The following THSD7B variants were observed in gnomAD, a reference collection of about 807,000 sequenced individuals.
The protein encoded by THSD7B is thrombospondin type-1 domain-containing protein 7B.
Under a neutral mutation model 213.6 loss-of-function variants are expected in THSD7B, and 138 were observed. The ratio of observed to expected loss-of-function variants is 0.65; its 90% CI spans 0.56 to 0.74. THSD7B has a LOEUF of 0.74. Among genes scored for constraint, THSD7B ranks in the 30% least tolerant of loss-of-function variants. The pLI is 0.00. For missense variants in THSD7B, 1,931 were observed against 1,991.5 expected (o/e 0.97, Z 0.58); for synonymous variants, 742 against 687.0 (o/e 1.08, Z -1.25).
At chr2:136,880,273 C>T (rs1683596616) in intron 1 of THSD7B, among the ~76,000 whole-genome samples, 1 of 152,266 alleles carries the variant, frequency 6.6e-6, no homozygotes, top group Non-Finnish European at 1.5e-5. Context: ...TATTTCTTTT[C>T]CTTGGCCACT....
chr2:137,086,401 T>A (rs895208099), intron 3 of THSD7B, among the ~76,000 whole-genome samples: 5 of 152,018 alleles, frequency 3.3e-5, no homozygotes, highest in African/African-American at 1.2e-4. Flanking sequence ...GGCAAAACCA[T>A]TTTCTATCTG....
chr2:137,073,460 T>A (rs1376690992), intron 3 of THSD7B, among the ~76,000 whole-genome samples: 1 of 152,078 alleles, frequency 6.6e-6, no homozygotes, highest in African/African-American at 2.4e-5. Flanking sequence ...ATCCATTGCA[T>A]CTATTTGATT....
At chr2:136,955,465 T>C (rs1263495890) in intron 2 of THSD7B, among the ~76,000 whole-genome samples, 1 of 152,178 alleles carries the variant, frequency 6.6e-6, no homozygotes, top group African/African-American at 2.4e-5. Flanking sequence ...CTTCTCATGC[T>C]CTTTAAAAAA....
intron 2 of THSD7B, among the ~76,000 whole-genome samples, chr2:136,897,059 C>T (rs575852): frequency 0.4 from 60,271 of 151,722 alleles, 14,213 homozygotes; most frequent in Non-Finnish European, 0.54. Context: ...AATCCTTCTA[C>T]CTCAGCCTCC....
At chr2:137,093,247 C>T (rs79922866) in intron 3 of THSD7B, among the ~76,000 whole-genome samples, 1 of 140,526 alleles carries the variant, frequency 7.1e-6, no homozygotes, top group African/African-American at 2.9e-5. Context: ...TTCGAAGAAC[C>T]CTTGTACCTT....
chr2:137,485,506 C>A (rs1371940874), intron 15 of THSD7B, among the ~76,000 whole-genome samples: 5 of 152,122 alleles, frequency 3.3e-5, no homozygotes, highest in Non-Finnish European at 5.9e-5. Flanking sequence ...GCGATGCGGG[C>A]CAAATCTACG....
In THSD7B at chr2:137,588,955, T is replaced by A. The variant is rs751583713; in HGVS notation, c.3423+16399T>A. Among the ~76,000 whole-genome samples the A allele has an allele frequency of 2.0e-5, 3 of 151,998 alleles. No individual in the cohort carries two copies. In the East Asian group the frequency reaches 5.8e-4, roughly 29 times the overall value. On this transcript the variant is annotated intron_variant, in intron 17 of 27. Coordinates refer to ENST00000409968, the MANE Select transcript of THSD7B (RefSeq NM_001316349.2). ...CCACCATGCCCAGGTAATTTTTGTA[T>A]TTTTAGTAGAGATGGGGTTTTGCCA...
intron 2 of THSD7B, among the ~76,000 whole-genome samples, chr2:136,932,002 A>G (rs1684640363): frequency 6.6e-6 from 1 of 152,194 alleles, no homozygotes; most frequent in African/African-American, 2.4e-5. Context: ...AAAAAATTAT[A>G]TTTAACATAG....
intron 2 of THSD7B, among the ~76,000 whole-genome samples, chr2:137,026,783 A>G (rs1031061878): frequency 1.3e-5 from 2 of 152,148 alleles, no homozygotes; most frequent in African/African-American, 4.8e-5. Context: ...TAATTTTCTG[A>G]TAAGGATTTG....
intron 25 of THSD7B, 103 bp from the exon 26 acceptor site, chr2:137,663,280 C>A: frequency 2.1e-6 from 2 of 972,516 alleles, no homozygotes; most frequent in Non-Finnish European, 2.8e-6. Flanking sequence ...CCCTACATTG[C>A]CATGATGTAT....
At chr2:137,003,505 C>T (rs1686041348) in intron 2 of THSD7B, among the ~76,000 whole-genome samples, 2 of 152,188 alleles carry the variant, frequency 1.3e-5, no homozygotes, top group Non-Finnish European at 2.9e-5. Flanking sequence ...AGCGGGAATA[C>T]ATGGCATGGC....
chr2:136,843,674 A>G (rs1481864468), intron 1 of THSD7B, among the ~76,000 whole-genome samples: 1 of 152,164 alleles, frequency 6.6e-6, no homozygotes, highest in African/African-American at 2.4e-5. Flanking sequence ...ACTGATATCT[A>G]CAGCTGATCC....
At chr2:137,039,785 C>T (rs536298885) in intron 2 of THSD7B, among the ~76,000 whole-genome samples, 2 of 152,326 alleles carry the variant, frequency 1.3e-5, no homozygotes, top group East Asian at 3.9e-4. Context: ...TACAAACTTG[C>T]TTCCCCCCGT....
At chr2:137,519,251 A>AAAATAAATCAATAAATAAAT (rs1680133596) in intron 15 of THSD7B, among the ~76,000 whole-genome samples, 1 of 149,134 alleles carries the variant, frequency 6.7e-6, no homozygotes, top group African/African-American at 2.5e-5. Flanking sequence ...ACTCCATCTC[A>AAAATAAATCAATAAATAAAT]AAATAAATAA....
chr2:137,582,648 A>G (rs1681607578), intron 17 of THSD7B, among the ~76,000 whole-genome samples: 1 of 152,026 alleles, frequency 6.6e-6, no homozygotes, highest in African/African-American at 2.4e-5. Context: ...CTTCATCCAC[A>G]TCCCTACAAA....
At chr2:137,355,297 C>T (rs1181343366) in intron 12 of THSD7B, among the ~76,000 whole-genome samples, 1 of 151,922 alleles carries the variant, frequency 6.6e-6, no homozygotes, top group Non-Finnish European at 1.5e-5. Context: ...ACTGCAAAGC[C>T]AGAAAAGTAA....
chr2:136,887,353 A>T (rs1205457570), intron 2 of THSD7B, among the ~76,000 whole-genome samples: 2 of 150,792 alleles, frequency 1.3e-5, no homozygotes, highest in East Asian at 2.0e-4. Flanking sequence ...AATAGCCTTC[A>T]GTCATCCTAA....
chr2:137,124,611 C>G (rs1688601790), intron 5 of THSD7B, among the ~76,000 whole-genome samples: 1 of 152,076 alleles, frequency 6.6e-6, no homozygotes, highest in Admixed American at 6.6e-5. Flanking sequence ...ATCTGGAAAG[C>G]CAGTGAACTA....
Position 137,160,240 on chromosome 2 carries a change from G to A in THSD7B, c.1397G>A (p.Cys466Tyr). The A allele has an allele frequency of 6.2e-7, 1 of 1,613,550 alleles. No individual in the cohort carries two copies. Among genetic ancestry groups the A allele is most frequent in the South Asian group, 1.1e-5 (1 of 91,036 alleles). ...EVSRPVEKALCVGPAPLPSQL... is the reference protein window; with the variant it reads ...EVSRPVEKALYVGPAPLPSQL... ...TCTAGACCTGTGGAAAAGGCATTAT[G>A]TGTGGGACCCGCCCCGTTGCCCTCT... Residue 466 changes from cysteine to tyrosine, a missense_variant, in exon 6 of 28, where the codon TGT becomes TAT. By Grantham distance (194) the Cys-to-Tyr change is radical. Transcript: ENST00000409968.
Sources: gnomAD v4.1 joint callset for allele counts (sites outside exome capture counted in the v4.1 genomes callset) on GRCh38, gnomAD v4.1.1 for gene constraint, MANE v1.5 for transcripts, NCBI Gene and HGNC (gene_info 2026-07-23, HGNC 2026-07-21) for gene names.